TMEM107: variants seen among roughly 807,000 people sequenced by gnomAD.
TMEM107 encodes the protein transmembrane protein 107.
TMEM107 carries 18 observed loss-of-function variants against 16.8 expected under a neutral mutation model. That is an observed-to-expected ratio of 1.07 (90% CI 0.74 to 1.59). The LOEUF (loss-of-function observed/expected upper bound fraction) is 1.59, where lower values mean the gene tolerates loss of function less well. Among genes scored for constraint, TMEM107 ranks in the 40% most tolerant of loss-of-function variants. The pLI, the probability that TMEM107 is intolerant of heterozygous loss-of-function variation, is 0.00. For synonymous variants in TMEM107, 68 were observed against 71.6 expected, an observed-to-expected ratio of 0.95 and a Z score of 0.25; for missense variants, 152 against 175.4, an observed-to-expected ratio of 0.87 and a Z score of 0.75.
In TMEM107 at chr17:8,175,857, C is replaced by A; in HGVS notation, c.156G>T (p.Gln52His). The stretch of plus-strand genomic sequence containing the variant: ...GGGTGACAGAGAGCGCGGCCACCAG[C>A]CTGCAGAGAGGAAGTGGACTGGCCC... ...TPEEYDKQDI[Q>H]LVAALSVTLG... Residue 52 changes from glutamine to histidine, a missense_variant and splice_region_variant, in exon 3 of 5, where the codon CAG (glutamine) becomes CAT (histidine). By Grantham distance (24) the Gln-to-His change is conservative (BLOSUM62 0). Transcript: ENST00000437139. The A allele has an allele frequency of 1.2e-6, 2 of 1,614,198 alleles. No homozygotes were observed. The highest frequency in any genetic ancestry group is 1.1e-5 in the South Asian group (1 of 91,086).
rs2151870231 is a variant in TMEM107 at position 8,173,667 on chromosome 17, TG to T, written c.*535del. ...AGGGTGAGTTCATAACGCGCTGGTA[TG>T]AGCAATCCTATTATTTAGCGTCCTT... On this transcript the variant is annotated 3_prime_UTR_variant, in exon 5 of 5. Coordinates refer to ENST00000437139, the MANE Select transcript of TMEM107 (RefSeq NM_183065.4). The T allele has an allele frequency of 1.5e-6, 1 of 679,632 alleles. No homozygotes were observed. Among genetic ancestry groups the T allele is most frequent in the African/African-American group, 1.8e-5 (1 of 56,502 alleles). The allele number at this position is 679,632 out of a possible 1,614,324, so 42.1% of individuals were successfully genotyped here.
In TMEM107 at chr17:8,176,024, G is replaced by A. The variant is rs752678483; in HGVS notation, c.90C>T (p.Asp30=). ...GAGGCAGGCAGGCCTGTATGTTGCT[G>A]TCCTGGGAGCAGGGCACAGGAAGAG... ...VVVITLFWSR[D]SNIQACLPLT... is the part of the protein sequence containing the mutation. The change falls in exon 2 of 5, where the codon GAC becomes GAT. Residue 30 remains aspartate (D), a splice_region_variant and synonymous_variant. Transcript: ENST00000437139. 1 of 1,614,218 alleles carries A rather than the reference G, an allele frequency of 6.2e-7. No homozygotes were observed. The highest frequency in any genetic ancestry group is 1.1e-5 in the South Asian group (1 of 91,086).
rs201690858 is a variant in TMEM107, at chr17:8,173,579, A to T, written c.*624T>A. ...AGGAGGAACAGGTAAGGATTATCCCACCTGACGATACAGACAAACAGCCGA... is the reference window on the plus strand; with the variant it reads ...AGGAGGAACAGGTAAGGATTATCCCTCCTGACGATACAGACAAACAGCCGA... On this transcript the variant is annotated 3_prime_UTR_variant, in exon 5 of 5. Coordinates refer to ENST00000437139, the MANE Select transcript of TMEM107 (RefSeq NM_183065.4). The T allele has an allele frequency of 7.9e-6, 6 of 764,046 alleles. No individual in the cohort carries two copies. The highest frequency in any genetic ancestry group is 1.4e-5 in the Non-Finnish European group (6 of 417,336). 47.3% of individuals were successfully genotyped at this position (764,046 alleles called of 1,614,324 possible). A position where few individuals can be genotyped will look rare whatever the true frequency, so the allele number is the denominator to read the frequency against.
rs1443271980 is a variant in TMEM107, at chr17:8,173,922, AG to A, written c.*280del. On this transcript the variant is annotated 3_prime_UTR_variant, in exon 5 of 5. Transcript: ENST00000437139. Reference sequence around the variant, plus strand: ...CAAGTATCTTACGGTCTGCAGGACTAGAAAACAGCGTTGTTTTTTTTTTATT... The same window carrying A: ...CAAGTATCTTACGGTCTGCAGGACTAAAAACAGCGTTGTTTTTTTTTTATT... 3.9e-6 allele frequency: 2 copies of A among 507,674 alleles called. No homozygotes were observed. Among genetic ancestry groups the A allele is most frequent in the Non-Finnish European group, 7.0e-6 (2 of 285,950 alleles). 31.4% of individuals were successfully genotyped at this position (507,674 alleles called of 1,614,324 possible).
intron 1 of TMEM107, 85 bp from the exon 2 acceptor site, chr17:8,176,111 G>A: frequency 6.2e-7 from 1 of 1,604,596 alleles, no homozygotes; most frequent in Non-Finnish European, 8.5e-7. Context: ...GAAAACCCAA[G>A]AGGGTAAGAC....
At position 8,174,740 on chromosome 17, in the gene TMEM107, G is replaced by C. The variant is rs1312785268; in HGVS notation, c.257-124C>G. On this transcript the variant is annotated intron_variant, in intron 3 of 4. Transcript: ENST00000437139. ...CCCTTGCTCCCTCACCATGTTTCAA[G>C]GGCTAGAGTCAGCAGCTCTGACTTC... 9.8e-6 allele frequency: 8 copies of C among 820,318 alleles called. No homozygotes were observed. The African/African-American group carries it at 1.3e-4, about 14-fold the overall frequency. The allele number at this position is 820,318 out of a possible 1,614,324, so 50.8% of individuals were successfully genotyped here. A position where few individuals can be genotyped will look rare whatever the true frequency, so the allele number is the denominator to read the frequency against.
In TMEM107 at chr17:8,173,469, T is replaced by A. The variant is rs758890705; in HGVS notation, c.*734A>T. On this transcript the variant is annotated 3_prime_UTR_variant, in exon 5 of 5. Transcript: ENST00000437139. ...GTCAGAAAGAATCAGACAGGAGCAA[T>A]CAGGGTGTTGCAAGTCCTGATTACG... 1.3e-5 allele frequency: 10 copies of A among 764,380 alleles called. No individual in the cohort carries two copies. Among genetic ancestry groups the A allele is most frequent in the East Asian group, 7.3e-5 (3 of 41,252 alleles). 47.3% of individuals were successfully genotyped at this position (764,380 alleles called of 1,614,324 possible).
chr17:8,174,401 A>G (rs1424476641), intron 4 of TMEM107, 119 bp downstream of exon 4: 1 of 1,310,272 alleles, frequency 7.6e-7, no homozygotes, highest in African/African-American at 1.5e-5. Flanking sequence ...TTAAAAGCCT[A>G]CAGGATGTTG....
In TMEM107 at chr17:8,172,764, T is replaced by A. The variant is rs1314854828; in HGVS notation, c.*1439A>T. The stretch of plus-strand genomic sequence containing the variant: ...TACTTGGGAGGCTGATGCAGGAGGA[T>A]CATCTGAGCCTGGGAGTTTGAGGCT... On this transcript the variant is annotated 3_prime_UTR_variant, in exon 5 of 5. Transcript: ENST00000437139. Among the ~76,000 whole-genome samples the A allele has an allele frequency of 1.4e-5, 2 of 147,122 alleles. No homozygotes were observed. Among genetic ancestry groups the A allele is most frequent in the Non-Finnish European group, 3.0e-5 (2 of 67,566 alleles).
At position 8,172,873 on chromosome 17, in the gene TMEM107, A is replaced by C. The variant is rs915931685; in HGVS notation, c.*1330T>G. Reference sequence around the variant, plus strand: ...ACTGTCTCAAAAAAAAAAAAAAAAAAAACCAAAAGAGGGGGGTGGTCAACA... The same window carrying C: ...ACTGTCTCAAAAAAAAAAAAAAAAACAACCAAAAGAGGGGGGTGGTCAACA... On this transcript the variant is annotated 3_prime_UTR_variant, in exon 5 of 5. Transcript: ENST00000437139. Among the ~76,000 whole-genome samples the C allele has an allele frequency of 3.4e-5, 5 of 149,146 alleles. No individual in the cohort carries two copies. The highest frequency in any genetic ancestry group is 9.8e-5 in the African/African-American group (4 of 40,674).
rs752266019 is a variant in TMEM107, at chr17:8,173,084, G to C, written c.*1119C>G. Among the ~76,000 whole-genome samples the C allele has an allele frequency of 1.3e-5, 2 of 152,050 alleles. No homozygotes were observed. Among genetic ancestry groups the C allele is most frequent in the Non-Finnish European group, 2.9e-5 (2 of 68,010 alleles). ...CACTCCTGCCTTGGCGACAGACCAA[G>C]ACCCTACCTCAAGGAAAAAGAAATA... On this transcript the variant is annotated 3_prime_UTR_variant, in exon 5 of 5. Coordinates refer to ENST00000437139, the MANE Select transcript of TMEM107 (RefSeq NM_183065.4).
At position 8,173,401 on chromosome 17, in the gene TMEM107, T is replaced by G. The variant is rs1330677745; in HGVS notation, c.*802A>C. The G allele has an allele frequency of 8.3e-6, 6 of 723,352 alleles. No homozygotes were observed. Among genetic ancestry groups the G allele is most frequent in the East Asian group, 2.5e-5 (1 of 39,810 alleles). The allele number at this position is 723,352 out of a possible 1,614,324, so 44.8% of individuals were successfully genotyped here. A position where few individuals can be genotyped will look rare whatever the true frequency, so the allele number is the denominator to read the frequency against. Reference sequence around the variant, plus strand: ...CCCAGTCAGAACTTCATAGCTATGTTTGTGGATATCTGCTAATCAGCATAA... The same window carrying G: ...CCCAGTCAGAACTTCATAGCTATGTGTGTGGATATCTGCTAATCAGCATAA... On this transcript the variant is annotated 3_prime_UTR_variant, in exon 5 of 5. Coordinates refer to ENST00000437139, the MANE Select transcript of TMEM107 (RefSeq NM_183065.4).
chr17:8,173,459 A>C lies in TMEM107; in HGVS notation c.*744T>G, dbSNP rs754582308. On this transcript the variant is annotated 3_prime_UTR_variant, in exon 5 of 5. Coordinates refer to ENST00000437139, the MANE Select transcript of TMEM107 (RefSeq NM_183065.4). ...GTAAGTGATCGTCAGAAAGAATCAG[A>C]CAGGAGCAATCAGGGTGTTGCAAGT... is the stretch of plus-strand genomic sequence containing the variant. The C allele has an allele frequency of 2.6e-6, 2 of 764,096 alleles. No homozygotes were observed. The highest frequency in any genetic ancestry group is 4.8e-6 in the Non-Finnish European group (2 of 417,726). 47.3% of individuals were successfully genotyped at this position (764,096 alleles called of 1,614,324 possible).
chr17:8,173,817 G>C lies in TMEM107; in HGVS notation c.*386C>G, dbSNP rs891836606. The C allele has an allele frequency of 2.0e-6, 1 of 503,304 alleles. No individual in the cohort carries two copies. The highest frequency in any genetic ancestry group is 3.5e-6 in the Non-Finnish European group (1 of 283,512). 31.2% of individuals were successfully genotyped at this position (503,304 alleles called of 1,614,324 possible). On this transcript the variant is annotated 3_prime_UTR_variant, in exon 5 of 5. Coordinates refer to ENST00000437139, the MANE Select transcript of TMEM107 (RefSeq NM_183065.4). ...CAGTTACGTGCCGGACGTTCTAACT[G>C]TACGCACTTTCTATTTACATATCTC...
rs527409449 is a variant in TMEM107, at chr17:8,172,596, A to T, written c.*1607T>A. 2.1e-4 allele frequency among the ~76,000 whole-genome samples: 32 copies of T among 152,068 alleles called. No individual in the cohort carries two copies. The highest frequency in any genetic ancestry group is 7.0e-4 in the African/African-American group (29 of 41,476). ...CGGTGGCTCATGCCTGTATCCTAGC[A>T]CTTTAGGAGGCCTAGAGGCCTAGTG... On this transcript the variant is annotated 3_prime_UTR_variant, in exon 5 of 5. Coordinates refer to ENST00000437139, the MANE Select transcript of TMEM107 (RefSeq NM_183065.4).
Position 8,172,471 on chromosome 17 carries a change from G to A in TMEM107, c.*1732C>T, listed in dbSNP as rs1983612481. Among the ~76,000 whole-genome samples the A allele has an allele frequency of 6.6e-6, 1 of 151,878 alleles. No individual in the cohort carries two copies. Among genetic ancestry groups the A allele is most frequent in the Non-Finnish European group, 1.5e-5 (1 of 67,992 alleles). On this transcript the variant is annotated 3_prime_UTR_variant, in exon 5 of 5. Transcript: ENST00000437139. ...ATAAGTATTTATTGAATTAATGTAA[G>A]AAGGAACAACCAGAACAGTATAATA...
chr17:8,174,257 G>T lies in TMEM107; in HGVS notation c.369C>A (p.Val123=), dbSNP rs375695991. Residue 123 remains valine (V), a synonymous_variant, in exon 5 of 5, where the codon GTC becomes GTA. Transcript: ENST00000437139. ...CGGTGACGAATAAAGCCATTTCAGT[G>T]ACAGCTGGAAGGGCACTACCAAGGC... ...IFVFCSALPA[V]TEMALFVTVF... 6.2e-7 allele frequency: 1 copy of T among 1,614,150 alleles called. No homozygotes were observed. The highest frequency in any genetic ancestry group is 1.1e-5 in the South Asian group (1 of 91,078).
chr17:8,174,706 C>T, intron 3 of TMEM107, 90 bp from the exon 4 acceptor site: 1 of 1,103,750 alleles, frequency 9.1e-7, no homozygotes. Context: ...CATCTGCATT[C>T]AGGTTCATCC....
Position 8,173,483 on chromosome 17 carries a change from G to GACC in TMEM107, c.*719_*720insGGT. On this transcript the variant is annotated 3_prime_UTR_variant, in exon 5 of 5. Coordinates refer to ENST00000437139, the MANE Select transcript of TMEM107 (RefSeq NM_183065.4). The stretch of plus-strand genomic sequence containing the variant: ...GACAGGAGCAATCAGGGTGTTGCAA[G>GACC]TCCTGATTACGCAGAGACGTTAATC... The GACC allele has an allele frequency of 2.6e-6, 2 of 764,976 alleles. No individual in the cohort carries two copies. The highest frequency in any genetic ancestry group is 1.7e-5 in the African/African-American group (1 of 59,246). 47.4% of individuals were successfully genotyped at this position (764,976 alleles called of 1,614,324 possible). A position where few individuals can be genotyped will look rare whatever the true frequency, so the allele number is the denominator to read the frequency against.
Sources: allele counts gnomAD v4.1 joint callset (sites outside exome capture counted in the v4.1 genomes callset), GRCh38; gene constraint gnomAD v4.1.1; transcripts MANE v1.5; gene names NCBI Gene and HGNC (gene_info 2026-07-23, HGNC 2026-07-21).